Variants in CLVS1 observed in about 807,000 individuals in gnomAD.
The protein encoded by CLVS1 is clavesin 1, also known as clavesin-1.
A neutral mutation model predicts 33.1 loss-of-function variants in CLVS1; 10 were observed. The ratio of observed to expected loss-of-function variants is 0.30; its 90% CI spans 0.19 to 0.51. CLVS1 has a LOEUF of 0.51. Ranked by LOEUF, CLVS1 falls within the 20% of genes least tolerant of loss-of-function variation. The pLI, the probability that CLVS1 is intolerant of heterozygous loss-of-function variation, is 0.97. For synonymous variants in CLVS1, 163 were observed against 166.1 expected (o/e 0.98, Z 0.14); for missense variants, 343 against 433.4 (o/e 0.79, Z 1.85).
chr8:61,126,674 A>C (rs572969915), intron 1 of CLVS1, among the ~76,000 whole-genome samples: 9 of 152,314 alleles, frequency 5.9e-5, no homozygotes, highest in African/African-American at 1.9e-4. Flanking sequence ...ATTGTATTTA[A>C]AGTCCGGGAA....
At position 61,499,485 on chromosome 8, in the gene CLVS1, G is replaced by A. The variant is rs1369139310; in HGVS notation, c.1008G>A (p.Leu336=). 1 of 1,613,648 alleles carries A rather than the reference G, an allele frequency of 6.2e-7. No homozygotes were observed. The highest frequency in any genetic ancestry group is 8.5e-7 in the Non-Finnish European group (1 of 1,179,750). The change falls in exon 6 of 6, where the codon CTG becomes CTA. Residue 336 remains leucine (L), a synonymous_variant. Transcript: ENST00000325897. ...RSQSVVEAGT[L]KHEEKGENEN... is the part of the protein sequence containing the mutation. The stretch of plus-strand genomic sequence containing the variant: ...AGTCTGTGGTAGAAGCTGGGACCCT[G>A]AAACATGAGGAGAAGGGAGAGAATG...
intron 2 of CLVS1, 87 bp downstream of exon 2, chr8:61,300,369 T>C (rs1810383201): frequency 8.7e-7 from 1 of 1,148,448 alleles, no homozygotes; most frequent in African/African-American, 1.6e-5. Context: ...TTATATGTAA[T>C]GGGCTTTCAT....
At chr8:61,211,887 T>G (rs1401750657) in intron 2 of CLVS1, among the ~76,000 whole-genome samples, 1 of 152,068 alleles carries the variant, frequency 6.6e-6, no homozygotes, top group Non-Finnish European at 1.5e-5. Context: ...CAGAGGGAGA[T>G]GCAGAGCCTC....
intron 2 of CLVS1, chr8:61,273,820 G>A (rs548739731): frequency 8.2e-4 from 126 of 154,220 alleles, no homozygotes; most frequent in African/African-American, 2.1e-3. Context: ...TGCGCTTCCC[G>A]AGTGAGGCAA....
intron 2 of CLVS1, among the ~76,000 whole-genome samples, chr8:61,256,567 A>C (rs1809086909): frequency 6.6e-6 from 1 of 152,132 alleles, no homozygotes; most frequent in South Asian, 2.1e-4. Context: ...TTATTTTAAA[A>C]ACTAACCTAC....
intron 2 of CLVS1, among the ~76,000 whole-genome samples, chr8:61,167,507 A>C (rs929972294): frequency 6.6e-6 from 1 of 151,902 alleles, no homozygotes; most frequent in Non-Finnish European, 1.5e-5. Flanking sequence ...TTTAATGTGT[A>C]CCCTTCAAGC....
chr8:61,461,449 G>C (rs1817362308), intron 5 of CLVS1, among the ~76,000 whole-genome samples: 1 of 152,138 alleles, frequency 6.6e-6, no homozygotes, highest in Non-Finnish European at 1.5e-5. Flanking sequence ...CCTCAAACTA[G>C]ATTGTGTTCA....
chr8:61,450,127 T>C (rs1816901473), intron 3 of CLVS1, among the ~76,000 whole-genome samples: 1 of 152,174 alleles, frequency 6.6e-6, no homozygotes, highest in Admixed American at 6.5e-5. Context: ...TGATGTGTTT[T>C]AAATTTGAAA....
chr8:61,267,173 G>A (rs1010243616), intron 2 of CLVS1, among the ~76,000 whole-genome samples: 9 of 152,170 alleles, frequency 5.9e-5, no homozygotes, highest in African/African-American at 1.9e-4. Context: ...TACCCACTCA[G>A]TCCTTCACAG....
At chr8:61,076,502 T>C (rs1199409375) in intron 1 of CLVS1, among the ~76,000 whole-genome samples, 1 of 152,150 alleles carries the variant, frequency 6.6e-6, no homozygotes, top group African/African-American at 2.4e-5. Context: ...TCAGGGAGTG[T>C]TTTTCTGCAG....
At chr8:61,373,759 T>A (rs139267479) in intron 2 of CLVS1, among the ~76,000 whole-genome samples, 1 of 152,332 alleles carries the variant, frequency 6.6e-6, no homozygotes, top group African/African-American at 2.4e-5. Flanking sequence ...GTTGGATAGC[T>A]ATTGCTATGT....
intron 2 of CLVS1, among the ~76,000 whole-genome samples, chr8:61,280,543 T>C (rs773087243): frequency 2.0e-5 from 3 of 152,218 alleles, no homozygotes; most frequent in Non-Finnish European, 2.9e-5. Flanking sequence ...CTTAAACTCT[T>C]TATGAATTTA....
At chr8:61,370,096 G>T (rs1236701520) in intron 2 of CLVS1, among the ~76,000 whole-genome samples, 1 of 152,190 alleles carries the variant, frequency 6.6e-6, no homozygotes, top group East Asian at 1.9e-4. Flanking sequence ...AAACCACTTT[G>T]TGGTTTGTGG....
chr8:61,254,744 G>C (rs561779394), intron 2 of CLVS1, among the ~76,000 whole-genome samples: 23 of 152,312 alleles, frequency 1.5e-4, no homozygotes, highest in Middle Eastern at 3.4e-3. Flanking sequence ...ATCTCCTGGT[G>C]TGCTGCTTGC....
At chr8:61,302,471 C>A (rs1000991644) in intron 2 of CLVS1, among the ~76,000 whole-genome samples, 4 of 152,088 alleles carry the variant, frequency 2.6e-5, no homozygotes, top group Non-Finnish European at 5.9e-5. Flanking sequence ...TGAGAACATA[C>A]AATCCCTGCC....
chr8:61,288,918 G>C (rs1230901545), intron 1 of CLVS1, among the ~76,000 whole-genome samples: 1 of 152,264 alleles, frequency 6.6e-6, no homozygotes, highest in East Asian at 1.9e-4. Flanking sequence ...GTTAACTCTG[G>C]CAAGAATAAA....
intron 3 of CLVS1, among the ~76,000 whole-genome samples, chr8:61,387,882 G>A (rs1814150778): frequency 6.6e-6 from 1 of 152,138 alleles, no homozygotes; most frequent in Non-Finnish European, 1.5e-5. Flanking sequence ...TTGATTGAAG[G>A]ACATTTGGGC....
chr8:61,183,151 G>GT (rs1563434860), intron 2 of CLVS1, among the ~76,000 whole-genome samples: 2 of 147,248 alleles, frequency 1.4e-5, no homozygotes, highest in Non-Finnish European at 3.0e-5. Flanking sequence ...TGTGGGCAGG[G>GT]CGGAGGGGGG....
At chr8:61,464,159 C>T (rs1302392195) in intron 5 of CLVS1, among the ~76,000 whole-genome samples, 1 of 151,820 alleles carries the variant, frequency 6.6e-6, no homozygotes, top group Non-Finnish European at 1.5e-5. Flanking sequence ...CAAAGTGAGT[C>T]ATGCTGTTGG....
Sources: allele counts gnomAD v4.1 joint callset (sites outside exome capture counted in the v4.1 genomes callset), GRCh38; gene constraint gnomAD v4.1.1; transcripts MANE v1.5; gene names NCBI Gene and HGNC (gene_info 2026-07-23, HGNC 2026-07-21).